ARHGAP32: variants seen among roughly 807,000 people sequenced by gnomAD.
The protein encoded by ARHGAP32 is Rho GTPase activating protein 32.
ARHGAP32 carries 51 observed loss-of-function variants against 186.5 expected under a neutral mutation model. The ratio of observed to expected loss-of-function variants is 0.27; its 90% CI spans 0.22 to 0.35. ARHGAP32 has a LOEUF of 0.35. Among genes scored for constraint, ARHGAP32 ranks in the 10% least tolerant of loss-of-function variants. The pLI is 1.00. For synonymous variants in ARHGAP32, 950 were observed against 964.3 expected, an observed-to-expected ratio of 0.99 and a Z score of 0.27; for missense variants, 2,186 against 2,623.5, an observed-to-expected ratio of 0.83 and a Z score of 3.64.
intron 1 of ARHGAP32, among the ~76,000 whole-genome samples, chr11:129,213,725 C>T (rs1944610685): frequency 6.6e-6 from 1 of 152,094 alleles, no homozygotes; most frequent in Admixed American, 6.6e-5. Flanking sequence ...CATAATGCTA[C>T]ATAAGCCATT....
chr11:129,226,899 C>G lies in ARHGAP32; in HGVS notation c.-5+52247G>C, dbSNP rs575044974. ...TCCTTCAGACTGAAATAAAAGAACACTAGATTAACTCAAATGCAGATGAAG... is the reference window on the plus strand; with the variant it reads ...TCCTTCAGACTGAAATAAAAGAACAGTAGATTAACTCAAATGCAGATGAAG... On this transcript the variant is annotated intron_variant, in intron 1 of 6. Transcript: ENST00000525234. Among the ~76,000 whole-genome samples the G allele has an allele frequency of 4.6e-5, 7 of 152,162 alleles. No individual in the cohort carries two copies. The East Asian group carries it at 1.2e-3, about 25-fold the overall frequency.
intron 11 of ARHGAP32, among the ~76,000 whole-genome samples, chr11:129,040,507 A>G (rs1357188293): frequency 6.6e-6 from 1 of 152,202 alleles, no homozygotes; most frequent in Non-Finnish European, 1.5e-5. Flanking sequence ...AGTATACTGT[A>G]TAAGTAATAA....
At chr11:129,125,813 C>A in intron 2 of ARHGAP32, 1 of 365,262 alleles carries the variant, frequency 2.7e-6, no homozygotes, top group Non-Finnish European at 5.4e-6. Context: ...TTTTTCTTAG[C>A]AAATTTAACT....
chr11:129,270,794 CAGA>C (rs1248400611), intron 1 of ARHGAP32, among the ~76,000 whole-genome samples: 1 of 151,448 alleles, frequency 6.6e-6, no homozygotes, highest in Admixed American at 6.6e-5. Context: ...GAAGAGAGAG[CAGA>C]AGATGAGAGC....
intron 1 of ARHGAP32, among the ~76,000 whole-genome samples, chr11:129,199,916 C>G (rs910019753): frequency 6.6e-6 from 1 of 152,204 alleles, no homozygotes; most frequent in Non-Finnish European, 1.5e-5. Flanking sequence ...CAGAGCTGCC[C>G]AAGACCATGG....
In ARHGAP32 at chr11:128,974,697, C is replaced by A. The variant is rs1024819216; in HGVS notation, c.2500G>T (p.Asp834Tyr). The change falls in exon 21 of 23, where the codon GAT (aspartate) becomes TAT (tyrosine). Residue 834 changes from aspartate (D) to tyrosine (Y), a missense_variant. By Grantham distance (160) the Asp-to-Tyr change is radical (BLOSUM62 -3). Transcript: ENST00000682385. ...TTATCCTTGGAGTATCCTGGTGAAT[C>A]TAAAAAGGAAGCACCACTCTCCAGA... ...ECLESGASFL[D>Y]SPGYSKDKPS... The A allele has an allele frequency of 6.2e-7, 1 of 1,614,010 alleles. No homozygotes were observed. Among genetic ancestry groups the A allele is most frequent in the African/African-American group, 1.3e-5 (1 of 74,906 alleles).
intron 10 of ARHGAP32, among the ~76,000 whole-genome samples, chr11:129,045,830 T>C (rs543356809): frequency 1.3e-5 from 2 of 152,066 alleles, no homozygotes; most frequent in African/African-American, 2.4e-5. Context: ...GAATGGAAGA[T>C]GGAGAAAAAG....
chr11:129,075,048 T>C (rs1345032738), intron 6 of ARHGAP32, among the ~76,000 whole-genome samples: 1 of 151,808 alleles, frequency 6.6e-6, no homozygotes, highest in East Asian at 1.9e-4. Context: ...TATATCACAA[T>C]AAAGTTGGAA....
chr11:129,162,104 C>T (rs1464272547), intron 2 of ARHGAP32, among the ~76,000 whole-genome samples: 1 of 152,018 alleles, frequency 6.6e-6, no homozygotes, highest in Non-Finnish European at 1.5e-5. Context: ...AATGAGAACA[C>T]ATGGACACAG....
chr11:129,160,455 A>G (rs1017175413), intron 2 of ARHGAP32, among the ~76,000 whole-genome samples: 1 of 152,188 alleles, frequency 6.6e-6, no homozygotes, highest in African/African-American at 2.4e-5. Context: ...CTATACACCA[A>G]TAATAGACAA....
intron 10 of ARHGAP32, among the ~76,000 whole-genome samples, chr11:129,047,330 C>A (rs1939853279): frequency 6.6e-6 from 1 of 152,132 alleles, no homozygotes; most frequent in Admixed American, 6.5e-5. Context: ...CATTTTCTGA[C>A]TACAACTTCC....
chr11:129,068,691 G>A (rs1940776814), intron 6 of ARHGAP32, among the ~76,000 whole-genome samples: 1 of 151,886 alleles, frequency 6.6e-6, no homozygotes, highest in Non-Finnish European at 1.5e-5. Context: ...ATTTCTTTTT[G>A]TATGAATTGC....
At chr11:128,976,291 T>C (rs1591490009) in intron 20 of ARHGAP32, among the ~76,000 whole-genome samples, 2 of 152,136 alleles carry the variant, frequency 1.3e-5, no homozygotes, top group East Asian at 3.8e-4. Context: ...TTTCACTAGA[T>C]ATTAATAAAT....
intron 1 of ARHGAP32, among the ~76,000 whole-genome samples, chr11:129,201,088 A>G (rs1307177660): frequency 6.6e-6 from 1 of 152,178 alleles, no homozygotes; most frequent in African/African-American, 2.4e-5. Flanking sequence ...TCACATTAAT[A>G]CAAGGATTAC....
chr11:129,115,761 A>G (rs1294650291), intron 5 of ARHGAP32, among the ~76,000 whole-genome samples: 1 of 152,058 alleles, frequency 6.6e-6, no homozygotes, highest in Non-Finnish European at 1.5e-5. Context: ...TCTAGAGATA[A>G]AAGTTTTCTC....
chr11:129,200,759 G>T (rs1256878077), intron 1 of ARHGAP32, among the ~76,000 whole-genome samples: 2 of 151,962 alleles, frequency 1.3e-5, no homozygotes, highest in Non-Finnish European at 2.9e-5. Context: ...TGCATATAAT[G>T]AAACTATAGT....
chr11:128,970,849 T>C lies in ARHGAP32; in HGVS notation c.4364A>G (p.His1455Arg), dbSNP rs778192413. Residue 1455 changes from histidine to arginine, a missense_variant, in exon 23 of 23, where the codon CAT becomes CGT. Coordinates refer to ENST00000682385, the MANE Select transcript of ARHGAP32 (RefSeq NM_001378024.1). The surrounding 1 kb of genome is among the most constrained non-coding windows in gnomAD (Gnocchi z 5.8). ...SADATSSSNY[H>R]SFVTASSTSV... is the part of the protein sequence containing the mutation. ...GGTGGATGAAGCAGTGACAAAGGAA[T>C]GATAATTTGAACTGCTGGTGGCATC... 61 of 1,614,028 alleles carry C rather than the reference T, an allele frequency of 3.8e-5. No individual in the cohort carries two copies. The Admixed American group carries it at 1.0e-3, about 26-fold the overall frequency.
At chr11:129,178,739 T>C (rs1943979156) in intron 1 of ARHGAP32, among the ~76,000 whole-genome samples, 1 of 152,038 alleles carries the variant, frequency 6.6e-6, no homozygotes, top group East Asian at 1.9e-4. Context: ...TGGCTAGCCA[T>C]ATGTAGAAAG....
At chr11:129,044,406 TTTTTTTGTGAAAAATCAGAAC>T (rs765802653) in intron 10 of ARHGAP32, among the ~76,000 whole-genome samples, 8 of 151,718 alleles carry the variant, frequency 5.3e-5, no homozygotes, top group Non-Finnish European at 1.0e-4. Context: ...GGTTGCAAAA[TTTTTTTGTGAAAAATCAGAAC>T]TTGGCGATGA....
Sources: allele counts gnomAD v4.1 joint callset (sites outside exome capture counted in the v4.1 genomes callset), GRCh38; gene constraint gnomAD v4.1.1; non-coding constraint Gnocchi (gnomAD v3.1); transcripts MANE v1.5; gene names NCBI Gene and HGNC (gene_info 2026-07-23, HGNC 2026-07-21).